The following CACNA1G variants were observed in gnomAD, a reference collection of about 807,000 sequenced individuals.
CACNA1G encodes the protein calcium voltage-gated channel subunit alpha1 G.
Under a neutral mutation model 219.4 loss-of-function variants are expected in CACNA1G, and 67 were observed. The observed-to-expected ratio is 0.31, with a 90% CI of 0.25 to 0.37. The LOEUF is 0.37. Among genes scored for constraint, CACNA1G ranks in the 10% least tolerant of loss-of-function variants. The probability of loss-of-function intolerance (pLI) is 1.00; values close to 1 mark genes in which losing one functional copy is unlikely to be tolerated. For missense variants in CACNA1G, 2,380 were observed against 3,231.4 expected (o/e 0.74, Z 6.39); for synonymous variants, 1,296 against 1,345.3 (o/e 0.96, Z 0.80).
chr17:50,588,831 C>T (rs558872113), intron 9 of CACNA1G, among the ~76,000 whole-genome samples: 3 of 152,250 alleles, frequency 2.0e-5, no homozygotes, highest in Non-Finnish European at 2.9e-5. Flanking sequence ...CTGTTGTCCC[C>T]GAGGCTCCCA....
intron 13 of CACNA1G, among the ~76,000 whole-genome samples, chr17:50,594,069 G>T (rs1741588007): frequency 6.6e-6 from 1 of 152,192 alleles, no homozygotes. Context: ...GGAAGTGGCT[G>T]CCCCCATTTT....
At chr17:50,584,136 G>A (rs2042544012) in intron 9 of CACNA1G, among the ~76,000 whole-genome samples, 1 of 152,164 alleles carries the variant, frequency 6.6e-6, no homozygotes, top group Non-Finnish European at 1.5e-5. Flanking sequence ...TGGATGCACT[G>A]AGTTTGAGAT....
Position 50,603,423 on chromosome 17 carries a change from A to G in CACNA1G, c.4169+224A>G, listed in dbSNP as rs1216584677. On this transcript the variant is annotated intron_variant, in intron 21 of 37. Transcript: ENST00000359106. The surrounding 1 kb of genome is among the most constrained non-coding windows in gnomAD (Gnocchi z 6.4). The stretch of plus-strand genomic sequence containing the variant: ...CTGCTTTCCTCCTCTTCAACATGAC[A>G]TATTCCTCAGGGCCGCTGCACCATG... Among the ~76,000 whole-genome samples, 3 of 152,060 alleles carry G rather than the reference A, an allele frequency of 2.0e-5. No individual in the cohort carries two copies. Among genetic ancestry groups the G allele is most frequent in the African/African-American group, 7.3e-5 (3 of 41,364 alleles).
intron 9 of CACNA1G, among the ~76,000 whole-genome samples, chr17:50,588,461 C>G (rs1028676034): frequency 7.4e-5 from 7 of 95,234 alleles, no homozygotes; most frequent in Non-Finnish European, 1.3e-4. Flanking sequence ...ACTCCCGCTC[C>G]CTGGCAGACC....
chr17:50,568,790 C>A, intron 1 of CACNA1G, 80 bp from the exon 2 acceptor site: 2 of 1,074,322 alleles, frequency 1.9e-6, no homozygotes, highest in Non-Finnish European at 1.4e-6. Context: ...AGGAGGTAAA[C>A]GAGGAGGAGG....
chr17:50,574,473 G>A (rs1301140260), intron 7 of CACNA1G, among the ~76,000 whole-genome samples: 11 of 152,202 alleles, frequency 7.2e-5, no homozygotes, highest in Admixed American at 6.5e-4. Context: ...GGCTTGGGGC[G>A]AAGCCTGACT....
At chr17:50,599,097 T>C (rs2046114598) in intron 16 of CACNA1G, among the ~76,000 whole-genome samples, 1 of 152,236 alleles carries the variant, frequency 6.6e-6, no homozygotes, top group Non-Finnish European at 1.5e-5. Context: ...GATTTTTTGC[T>C]GTTGAGTTGT....
At chr17:50,564,246 C>T (rs1372669664) in intron 1 of CACNA1G, among the ~76,000 whole-genome samples, 2 of 151,174 alleles carry the variant, frequency 1.3e-5, no homozygotes, top group African/African-American at 2.4e-5. Flanking sequence ...ACCCCTGCCT[C>T]AGATCAGAGG....
rs757031741 is a variant in CACNA1G, at chr17:50,576,031, C to T, written c.1629C>T (p.Ser543=). The T allele has an allele frequency of 1.4e-5, 22 of 1,568,610 alleles. No homozygotes were observed. The East Asian group carries it at 1.4e-4, about 10-fold the overall frequency. ...CACCACCCTCGACGCCTGCCCTCTC[C>T]GGGGCCCCCCCTGGTGGCGCAGAGT... ...MLPPPSTPAL[S]GAPPGGAESV... The change falls in exon 8 of 38, where the codon TCC becomes TCT. Residue 543 remains serine, a synonymous_variant. Coordinates refer to ENST00000359106, the MANE Select transcript of CACNA1G (RefSeq NM_018896.5).
At chr17:50,582,012 G>A (rs1277815075) in intron 9 of CACNA1G, among the ~76,000 whole-genome samples, 3 of 152,222 alleles carry the variant, frequency 2.0e-5, no homozygotes, top group Admixed American at 6.5e-5. Context: ...CGATTCCACC[G>A]AATGTGGGGT....
At chr17:50,589,096 G>A (rs4794165) in intron 9 of CACNA1G, among the ~76,000 whole-genome samples, 66,649 of 152,064 alleles carry the variant, frequency 0.44, 15,562 homozygotes, top group East Asian at 0.88. Flanking sequence ...TGCCCTCCAG[G>A]CCAGACACCT....
In CACNA1G at chr17:50,621,765, A is replaced by G. The variant is rs1403238958; in HGVS notation, c.6031A>G (p.Thr2011Ala). 2 of 1,613,932 alleles carry G rather than the reference A, an allele frequency of 1.2e-6. No homozygotes were observed. The highest frequency in any genetic ancestry group is 1.6e-4 in the Middle Eastern group (1 of 6,062). ...TDDSLPDDMH[T>A]LLLSALESNM... ...TGACTCTTTGCCTGATGACATGCACACACTCTTACTTAGTGCCCTGGAGAG... is the reference window on the plus strand; with the variant it reads ...TGACTCTTTGCCTGATGACATGCACGCACTCTTACTTAGTGCCCTGGAGAG... Residue 2011 changes from threonine (T) to alanine (A), a missense_variant, in exon 35 of 38, where the codon ACA becomes GCA. By Grantham distance (58) the Thr-to-Ala change is moderately conservative. Coordinates refer to ENST00000359106, the MANE Select transcript of CACNA1G (RefSeq NM_018896.5). The surrounding 1 kb of genome is among the most constrained non-coding windows in gnomAD (Gnocchi z 4.6).
chr17:50,618,909 G>C lies in CACNA1G; in HGVS notation c.5682G>C (p.Gly1894=), dbSNP rs2051111399. Residue 1894 remains glycine, a synonymous_variant, in exon 33 of 38, where the codon GGG becomes GGC. Coordinates refer to ENST00000359106, the MANE Select transcript of CACNA1G (RefSeq NM_018896.5). The surrounding 1 kb of genome is among the most constrained non-coding windows in gnomAD (Gnocchi z 5.3). The part of the protein sequence containing the change: ...SPLGSPFLWP[G]VEGPDSPDSP... ...TGGGCAGCCCCTTCCTCTGGCCTGG[G>C]GTCGAGGGCCCCGACAGCCCCGACA... The C allele has an allele frequency of 6.2e-7, 1 of 1,608,390 alleles. No homozygotes were observed. The highest frequency in any genetic ancestry group is 1.3e-5 in the African/African-American group (1 of 74,808).
rs745460427 is a variant in CACNA1G, at chr17:50,600,984, G to A, written c.3792-67G>A. ...AGGGCACTGGAGGGGCAGGGGCTGC[G>A]GGCGGTGCCTCTCGTTGCCACCTGC... On this transcript the variant is annotated intron_variant, in intron 18 of 37. Coordinates refer to ENST00000359106, the MANE Select transcript of CACNA1G (RefSeq NM_018896.5). This position sits in a 1 kb window ranked among gnomAD's most constrained non-coding sequence, Gnocchi z 4.1. 49 of 1,596,212 alleles carry A rather than the reference G, an allele frequency of 3.1e-5. No individual in the cohort carries two copies. The highest frequency in any genetic ancestry group is 1.7e-4 in the Middle Eastern group (1 of 6,028).
intron 27 of CACNA1G, among the ~76,000 whole-genome samples, chr17:50,616,071 G>A (rs1456890499): frequency 6.6e-6 from 1 of 152,224 alleles, no homozygotes; most frequent in East Asian, 1.9e-4. Context: ...TTTAGCATAA[G>A]GTTGATTCAT....
At position 50,561,487 on chromosome 17, in the gene CACNA1G, G is replaced by C; in HGVS notation, c.28G>C (p.Ala10Pro). 5.9e-6 allele frequency: 9 copies of C among 1,535,090 alleles called. No individual in the cohort carries two copies. Among genetic ancestry groups the C allele is most frequent in the Non-Finnish European group, 7.8e-6 (9 of 1,146,534 alleles). MDEEEDGAG[A>P]EESGQPRSFM... ...GGACGAGGAGGAGGATGGAGCGGGC[G>C]CCGAGGAGTCGGGACAGCCCCGGAG... Residue 10 changes from alanine to proline, a missense_variant, in exon 1 of 38, where the codon GCC (alanine) becomes CCC (proline). By Grantham distance (27) the Ala-to-Pro change is conservative (BLOSUM62 -1). Coordinates refer to ENST00000359106, the MANE Select transcript of CACNA1G (RefSeq NM_018896.5).
Position 50,571,799 on chromosome 17 carries a change from TC to T in CACNA1G, c.587-77del, listed in dbSNP as rs1431871435. The T allele has an allele frequency of 3.3e-6, 5 of 1,524,706 alleles. No homozygotes were observed. The highest frequency in any genetic ancestry group is 4.5e-5 in the East Asian group (2 of 44,258). The allele number at this position is 1,524,706 out of a possible 1,614,324, so 94.4% of individuals were successfully genotyped here. A position where few individuals can be genotyped will look rare whatever the true frequency, so the allele number is the denominator to read the frequency against. On this transcript the variant is annotated intron_variant, in intron 4 of 37. Coordinates refer to ENST00000359106, the MANE Select transcript of CACNA1G (RefSeq NM_018896.5). This position sits in a 1 kb window ranked among gnomAD's most constrained non-coding sequence, Gnocchi z 4.3. The stretch of plus-strand genomic sequence containing the variant: ...GCCTCAGAGTCCCTGGTGGGGCCCC[TC>T]CGGGAGTGCTGCCGGGCCGTGGCAG...
In CACNA1G at chr17:50,618,033, TCTC is replaced by T. The variant is rs2050954907; in HGVS notation, c.5227-12_5227-10del. Reference sequence around the variant, plus strand: ...ACCCAGCGGCATCGTTTCTATTTCTTCTCCTTTTTTCCAGGTGGGGAACCTGGG... The same window carrying T: ...ACCCAGCGGCATCGTTTCTATTTCTTCTTTTTTCCAGGTGGGGAACCTGGG... On this transcript the variant is annotated splice_polypyrimidine_tract_variant and intron_variant, in intron 30 of 37. Transcript: ENST00000359106. This position sits in a 1 kb window ranked among gnomAD's most constrained non-coding sequence, Gnocchi z 5.3. 1.2e-6 allele frequency: 2 copies of T among 1,613,614 alleles called. No homozygotes were observed. The highest frequency in any genetic ancestry group is 8.5e-7 in the Non-Finnish European group (1 of 1,179,758).
At chr17:50,570,292 C>A (rs908385366) in intron 4 of CACNA1G, among the ~76,000 whole-genome samples, 1 of 152,230 alleles carries the variant, frequency 6.6e-6, no homozygotes, top group African/African-American at 2.4e-5. Flanking sequence ...CTTCCCGCCC[C>A]CTTCCAACCC....
Sources: allele counts gnomAD v4.1 joint callset (sites outside exome capture counted in the v4.1 genomes callset), GRCh38; gene constraint gnomAD v4.1.1; non-coding constraint Gnocchi (gnomAD v3.1); transcripts MANE v1.5; gene names NCBI Gene and HGNC (gene_info 2026-07-23, HGNC 2026-07-21).